The following MIPEP variants were observed in gnomAD, a reference collection of about 807,000 sequenced individuals.
MIPEP encodes mitochondrial intermediate peptidase.
In MIPEP, 79 loss-of-function variants were observed where a neutral mutation model predicts 90.3. The ratio of observed to expected loss-of-function variants is 0.87; its 90% CI spans 0.73 to 1.05. MIPEP has a LOEUF of 1.05. MIPEP is among the 50% of genes least tolerant of loss of function. The pLI is 0.00. For missense variants in MIPEP, 940 were observed against 905.6 expected, an observed-to-expected ratio of 1.04 and a Z score of -0.49; for synonymous variants, 334 against 315.8, an observed-to-expected ratio of 1.06 and a Z score of -0.61.
At chr13:23,852,973 T>C (rs1264052958) in intron 10 of MIPEP, among the ~76,000 whole-genome samples, 2 of 152,082 alleles carry the variant, frequency 1.3e-5, no homozygotes, top group African/African-American at 2.4e-5. Context: ...AAATTTTTAA[T>C]AGAAAAAAGT....
intron 16 of MIPEP, among the ~76,000 whole-genome samples, chr13:23,789,101 C>T (rs903621677): frequency 3.3e-5 from 5 of 152,140 alleles, no homozygotes; most frequent in Non-Finnish European, 5.9e-5. Flanking sequence ...AGCCATTGCA[C>T]CTGGCCAATG....
rs375965892 is a variant in MIPEP at position 23,851,545 on chromosome 13, C to T, written c.1106+7315G>A. ...TGACTGAGGAAAAACTGGACATTTC[C>T]ATGTTGCTGGGAACACCACAGAGAT... On this transcript the variant is annotated intron_variant, in intron 10 of 18. Transcript: ENST00000382172. Among the ~76,000 whole-genome samples the T allele has an allele frequency of 3.3e-5, 5 of 152,272 alleles. No individual in the cohort carries two copies. In the East Asian group the frequency reaches 9.6e-4, roughly 29 times the overall value.
chr13:23,878,034 T>C (rs1361339849), intron 4 of MIPEP, among the ~76,000 whole-genome samples: 1 of 152,236 alleles, frequency 6.6e-6, no homozygotes, highest in Admixed American at 6.5e-5. Flanking sequence ...CCTTTCTATC[T>C]AAAATGGTCT....
intron 10 of MIPEP, among the ~76,000 whole-genome samples, chr13:23,843,883 G>A (rs1260048724): frequency 6.6e-6 from 1 of 152,178 alleles, no homozygotes. Context: ...TCAGGTTTCT[G>A]GCTTGGACAA....
rs138623459 is a variant in MIPEP, at chr13:23,879,280, T to C, written c.527A>G (p.Asp176Gly). 5.1e-5 allele frequency: 81 copies of C among 1,600,674 alleles called. No individual in the cohort carries two copies. Among genetic ancestry groups the C allele is most frequent in the Non-Finnish European group, 6.6e-5 (77 of 1,168,426 alleles). Residue 176 changes from aspartate (D) to glycine (G), a missense_variant, in exon 4 of 19, where the codon GAT becomes GGT. Transcript: ENST00000382172. Reference sequence around the variant, plus strand: ...AATGAGTGAGTACCTTGTTTCTGGATCAAGGGAATCCACAAGTTTTTTATC... The same window carrying C: ...AATGAGTGAGTACCTTGTTTCTGGACCAAGGGAATCCACAAGTTTTTTATC... Reference protein sequence around the residue: ...LADKKLVDSLDPETRRVAELF... With the variant: ...LADKKLVDSLGPETRRVAELF...
intron 2 of MIPEP, among the ~76,000 whole-genome samples, chr13:23,883,207 A>G (rs1381022599): frequency 1.3e-5 from 2 of 152,178 alleles, no homozygotes; most frequent in African/African-American, 4.8e-5. Context: ...TATACAAATC[A>G]CATCTTTTTT....
At chr13:23,771,122 G>C (rs992417591) in intron 16 of MIPEP, among the ~76,000 whole-genome samples, 3 of 152,196 alleles carry the variant, frequency 2.0e-5, no homozygotes, top group African/African-American at 7.2e-5. Flanking sequence ...TGGGAATGCA[G>C]GCTCTGCACT....
chr13:23,836,907 CT>C (rs1869079215), intron 13 of MIPEP, among the ~76,000 whole-genome samples: 1 of 152,166 alleles, frequency 6.6e-6, no homozygotes, highest in Non-Finnish European at 1.5e-5. Context: ...TTTTCAATAC[CT>C]TCTCCTTGTC....
chr13:23,801,753 C>T (rs1704517505), intron 16 of MIPEP, among the ~76,000 whole-genome samples: 1 of 152,178 alleles, frequency 6.6e-6, no homozygotes, highest in Admixed American at 6.5e-5. Flanking sequence ...GGCTCATCAA[C>T]TGGGGCCCTC....
At chr13:23,882,323 AC>A (rs1871304699) in intron 2 of MIPEP, among the ~76,000 whole-genome samples, 1 of 152,010 alleles carries the variant, frequency 6.6e-6, no homozygotes. Context: ...TCACATGTTA[AC>A]TTATCTCCAG....
In MIPEP at chr13:23,858,740, A is replaced by T. The variant is rs114058502; in HGVS notation, c.1106+120T>A. The T allele has an allele frequency of 1.3e-3, 1,029 of 796,482 alleles. 10 individuals are homozygous for T. The African/African-American group carries it at 0.014, about 11-fold the overall frequency. 49.3% of individuals were successfully genotyped at this position (796,482 alleles called of 1,614,324 possible). A position where few individuals can be genotyped will look rare whatever the true frequency, so the allele number is the denominator to read the frequency against. On this transcript the variant is annotated intron_variant, in intron 10 of 18. Transcript: ENST00000382172. ...TGAGTGGAGCAGACCACGCCAGCAG[A>T]AAGAATGGTGTCAGGGGAAGGGTTT...
chr13:23,858,137 T>G (rs1870125350), intron 10 of MIPEP, among the ~76,000 whole-genome samples: 1 of 152,126 alleles, frequency 6.6e-6, no homozygotes, highest in Non-Finnish European at 1.5e-5. Context: ...TAAAAATTCC[T>G]ATTGGGTATA....
At chr13:23,864,295 T>C (rs1870432934) in intron 7 of MIPEP, 106 bp from the exon 8 acceptor site, 1 of 779,286 alleles carries the variant, frequency 1.3e-6, no homozygotes, top group African/African-American at 1.8e-5. Context: ...ACAATTCCCT[T>C]AAAGTGATGA....
intron 3 of MIPEP, among the ~76,000 whole-genome samples, chr13:23,881,459 C>T (rs1871265572): frequency 6.6e-6 from 1 of 152,210 alleles, no homozygotes; most frequent in African/African-American, 2.4e-5. Flanking sequence ...CTTTTCGACC[C>T]CATTTACAGA....
Position 23,737,236 on chromosome 13 carries a change from C to A in MIPEP, c.2045-6791G>T, listed in dbSNP as rs985895857. 5.9e-5 allele frequency among the ~76,000 whole-genome samples: 9 copies of A among 152,258 alleles called. No homozygotes were observed. In the East Asian group the frequency reaches 1.7e-3, roughly 29 times the overall value. Reference sequence around the variant, plus strand: ...CGTCTCACAGGGCCGTAGTCTGGTACTGCCAACGGTGGCTTGGCCCAGCTG... The same window carrying A: ...CGTCTCACAGGGCCGTAGTCTGGTAATGCCAACGGTGGCTTGGCCCAGCTG... On this transcript the variant is annotated intron_variant, in intron 18 of 18. Transcript: ENST00000382172.
intron 18 of MIPEP, among the ~76,000 whole-genome samples, chr13:23,740,174 A>C (rs530054720): frequency 3.9e-5 from 6 of 152,336 alleles, no homozygotes; most frequent in African/African-American, 1.4e-4. Context: ...CCAAAACGTC[A>C]ACAGTGTGCA....
At chr13:23,735,133 C>T (rs73453360) in intron 18 of MIPEP, among the ~76,000 whole-genome samples, 2,896 of 152,234 alleles carry the variant, frequency 0.019, 102 homozygotes, top group African/African-American at 0.066. Context: ...CCAGCTTTTC[C>T]TGCGGGCTAC....
At chr13:23,856,336 G>A (rs1870045950) in intron 10 of MIPEP, among the ~76,000 whole-genome samples, 1 of 152,220 alleles carries the variant, frequency 6.6e-6, no homozygotes, top group Non-Finnish European at 1.5e-5. Context: ...GGGATAAACT[G>A]TGGAGGAAGA....
intron 14 of MIPEP, among the ~76,000 whole-genome samples, chr13:23,816,321 T>C (rs375210778): frequency 6.6e-6 from 1 of 152,192 alleles, no homozygotes; most frequent in East Asian, 1.9e-4. Flanking sequence ...CCCAGAGTTC[T>C]TGGATGCTTG....
Sources: gnomAD v4.1 joint callset for allele counts (sites outside exome capture counted in the v4.1 genomes callset) on GRCh38, gnomAD v4.1.1 for gene constraint, MANE v1.5 for transcripts, NCBI Gene and HGNC (gene_info 2026-07-23, HGNC 2026-07-21) for gene names.